Variants in NFIB observed in about 807,000 individuals in gnomAD.
NFIB encodes the protein nuclear factor I B.
Under a neutral mutation model 61.5 loss-of-function variants are expected in NFIB, and 11 were observed. The observed-to-expected ratio is 0.18, with a 90% CI of 0.11 to 0.30. The LOEUF is 0.30. NFIB is among the 10% of genes least tolerant of loss of function. The pLI is 1.00. For missense variants in NFIB, 471 were observed against 608.9 expected (o/e 0.77, Z 2.38); for synonymous variants, 260 against 216.5 (o/e 1.20, Z -1.76).
intron 10 of NFIB, among the ~76,000 whole-genome samples, chr9:14,089,986 A>G (rs2033611355): frequency 6.6e-6 from 1 of 152,146 alleles, no homozygotes; most frequent in African/African-American, 2.4e-5. Flanking sequence ...AATGACAGCA[A>G]AGTCCGTCTC....
chr9:14,097,448 T>G (rs1439681289), intron 10 of NFIB, among the ~76,000 whole-genome samples: 1 of 152,174 alleles, frequency 6.6e-6, no homozygotes, highest in Middle Eastern at 3.2e-3. Context: ...ACCCAGCTGT[T>G]GTACTGTAGT....
At chr9:14,090,245 C>T (rs190433043) in intron 10 of NFIB, among the ~76,000 whole-genome samples, 10 of 152,128 alleles carry the variant, frequency 6.6e-5, no homozygotes, top group Non-Finnish European at 8.8e-5. Context: ...TAAAAAGACA[C>T]GTCCTCAAAA....
rs145953271 is a variant in NFIB, at chr9:14,388,485, AAG to A, written c.108+10037_108+10038del. 4.8e-3 allele frequency among the ~76,000 whole-genome samples: 657 copies of A among 137,804 alleles called. 5 individuals carry two copies. Among genetic ancestry groups the A allele is most frequent in the South Asian group, 0.03 (123 of 4,040 alleles). 90.4% of individuals were successfully genotyped at this position (137,804 alleles called of 152,430 possible). ...AAAGAAAAAGAGAGAGAGAGAGAGA[AAG>A]AGAGAGAGAGAGAAAGTAAGGAGGG... On this transcript the variant is annotated intron_variant, in intron 1 of 8. Coordinates refer to the NFIB transcript ENST00000380934.
chr9:14,307,579 CA>C lies in NFIB; in HGVS notation c.31-60del, dbSNP rs2060081155. ...CATAGTCAGTTTAATTTTAAAAGCT[CA>C]AAAAATAAGAAAAGAAGACCACAAC... On this transcript the variant is annotated intron_variant, in intron 1 of 10. Coordinates refer to ENST00000380953, the MANE Select transcript of NFIB (RefSeq NM_001190737.2). The surrounding 1 kb of genome is among the most constrained non-coding windows in gnomAD (Gnocchi z 5.3). The C allele has an allele frequency of 1.4e-6, 2 of 1,460,390 alleles. No individual in the cohort carries two copies. The highest frequency in any genetic ancestry group is 1.8e-6 in the Non-Finnish European group (2 of 1,101,680). The allele number at this position is 1,460,390 out of a possible 1,614,324, so 90.5% of individuals were successfully genotyped here.
the NFIB span, among the ~76,000 whole-genome samples, chr9:14,427,934 G>GTTGTT: frequency 3.9e-5 from 1 of 25,946 alleles, no homozygotes; most frequent in African/African-American, 1.1e-4. Flanking sequence ...CTTTAATTCA[G>GTTGTT]TTGTTTTTTT....
chr9:14,140,991 T>A (rs1160738878), intron 6 of NFIB, among the ~76,000 whole-genome samples: 2 of 152,156 alleles, frequency 1.3e-5, no homozygotes, highest in African/African-American at 4.8e-5. Flanking sequence ...TATTTACTGT[T>A]ACTTATTTCC....
At chr9:14,450,224 G>C in the NFIB span, among the ~76,000 whole-genome samples, 1 of 151,956 alleles carries the variant, frequency 6.6e-6, no homozygotes, top group African/African-American at 2.4e-5. Flanking sequence ...GCGGTGTTTG[G>C]TTTTCTGTCC....
At chr9:14,386,048 G>T (rs2133016144) in intron 1 of NFIB, among the ~76,000 whole-genome samples, 1 of 152,236 alleles carries the variant, frequency 6.6e-6, no homozygotes, top group East Asian at 1.9e-4. Flanking sequence ...CTCCCAAAGT[G>T]CTGGAATTAC....
chr9:14,441,304 G>C, the NFIB span, among the ~76,000 whole-genome samples: 1 of 152,188 alleles, frequency 6.6e-6, no homozygotes, highest in African/African-American at 2.4e-5. Flanking sequence ...ATTGAAGTTT[G>C]TGATTCTCCA....
At chr9:14,197,763 C>A (rs1462532818) in intron 2 of NFIB, among the ~76,000 whole-genome samples, 5 of 152,040 alleles carry the variant, frequency 3.3e-5, no homozygotes, top group East Asian at 1.9e-4. Context: ...GAGGCTGCAG[C>A]GCTTTAGCAA....
At chr9:14,218,908 G>A (rs928689928) in intron 2 of NFIB, among the ~76,000 whole-genome samples, 6 of 151,954 alleles carry the variant, frequency 3.9e-5, no homozygotes, top group Admixed American at 1.3e-4. Flanking sequence ...CTTACTCTTC[G>A]AAGTACCACA....
chr9:14,261,617 C>G (rs1440420274), intron 2 of NFIB, among the ~76,000 whole-genome samples: 1 of 152,224 alleles, frequency 6.6e-6, no homozygotes, highest in African/African-American at 2.4e-5. Context: ...CAATGGGGTA[C>G]AGATGCTTAT....
At chr9:14,353,828 T>C (rs183509848) in intron 1 of NFIB, among the ~76,000 whole-genome samples, 6 of 150,946 alleles carry the variant, frequency 4.0e-5, no homozygotes, top group Admixed American at 4.0e-4. Flanking sequence ...ATAGAGACTC[T>C]AGTGGAGAGC....
chr9:14,103,605 T>C (rs536592522), intron 10 of NFIB, among the ~76,000 whole-genome samples: 10 of 152,306 alleles, frequency 6.6e-5, no homozygotes, highest in East Asian at 5.8e-4. Flanking sequence ...AATCTTTACT[T>C]TCCCTTTTAG....
chr9:14,225,456 C>CAAAAAAAAAAAAAAAAAAAAA (rs1228589594), intron 2 of NFIB, among the ~76,000 whole-genome samples: 5 of 58,014 alleles, frequency 8.6e-5, no homozygotes, highest in East Asian at 5.9e-4. Flanking sequence ...GACTCCGTCT[C>CAAAAAAAAAAAAAAAAAAAAA]AAAAAAAAAA....
chr9:14,484,907 C>A, the NFIB span, among the ~76,000 whole-genome samples: 1 of 152,060 alleles, frequency 6.6e-6, no homozygotes, highest in Non-Finnish European at 1.5e-5. Flanking sequence ...GCCTGGCAGT[C>A]CAAATCAGGG....
chr9:14,092,970 C>A (rs1212654951), intron 10 of NFIB, among the ~76,000 whole-genome samples: 1 of 152,048 alleles, frequency 6.6e-6, no homozygotes, highest in Non-Finnish European at 1.5e-5. Flanking sequence ...GCCATACCAA[C>A]ATTTTCTGGT....
At chr9:14,169,331 G>A (rs2045301612) in intron 3 of NFIB, among the ~76,000 whole-genome samples, 1 of 152,068 alleles carries the variant, frequency 6.6e-6, no homozygotes, top group Non-Finnish European at 1.5e-5. Flanking sequence ...ACTGCGCAAG[G>A]GGAAGATATG....
intron 2 of NFIB, among the ~76,000 whole-genome samples, chr9:14,181,740 C>A (rs960303598): frequency 6.6e-6 from 1 of 152,164 alleles, no homozygotes; most frequent in African/African-American, 2.4e-5. Context: ...GTATAATACA[C>A]CCACTGACCA....
Sources: allele counts gnomAD v4.1 joint callset (sites outside exome capture counted in the v4.1 genomes callset), GRCh38; gene constraint gnomAD v4.1.1; non-coding constraint Gnocchi (gnomAD v3.1); transcripts MANE v1.5; gene names NCBI Gene and HGNC (gene_info 2026-07-23, HGNC 2026-07-21).